POLA1: variants seen among roughly 807,000 people sequenced by gnomAD.
POLA1 encodes DNA polymerase alpha catalytic subunit.
In POLA1, 15 loss-of-function variants were observed where a neutral mutation model predicts 124.0. The observed-to-expected ratio is 0.12, with a 90% CI of 0.08 to 0.19. The LOEUF (loss-of-function observed/expected upper bound fraction) is 0.19. Among genes scored for constraint, POLA1 ranks in the 10% least tolerant of loss-of-function variants. POLA1 has a pLI of 1.00. For synonymous variants in POLA1, 408 were observed against 389.4 expected (o/e 1.05, Z -0.56); for missense variants, 886 against 1,103.4 (o/e 0.80, Z 2.79).
chrX:24,824,516 C>G (rs1382190741), intron 31 of POLA1, among the ~76,000 whole-genome samples: 1 of 102,154 alleles, frequency 9.8e-6, no homozygotes, highest in African/African-American at 3.6e-5. Flanking sequence ...ACTGTGTCAC[C>G]CAAGCTGGTG....
chrX:24,750,811 C>T (rs1932282118), intron 26 of POLA1, among the ~76,000 whole-genome samples: 1 of 111,278 alleles, frequency 9.0e-6, no homozygotes, highest in South Asian at 3.9e-4. Flanking sequence ...GACTCTGGTT[C>T]TGCTTTATAT....
rs1449456764 is a variant in POLA1 at position 24,905,893 on chromosome X, A to C, written c.4164+17771A>C. Among the ~76,000 whole-genome samples, 4 of 112,108 alleles carry C rather than the reference A, an allele frequency of 3.6e-5. No homozygotes were observed. In the East Asian group the frequency reaches 1.1e-3, roughly 31 times the overall value. On this transcript the variant is annotated intron_variant, in intron 35 of 36. Transcript: ENST00000379068. ...TTTTTAAATGAATGGAAAAATAGAA[A>C]ATCTCAACAAAGAAATGGAACATGT...
chrX:24,929,019 T>C (rs946463733), intron 35 of POLA1, among the ~76,000 whole-genome samples: 4 of 111,738 alleles, frequency 3.6e-5, no homozygotes, highest in African/African-American at 1.3e-4. Flanking sequence ...ATAGATACCA[T>C]TTGTAATGGC....
At chrX:24,865,929 T>A (rs1042331479) in intron 34 of POLA1, among the ~76,000 whole-genome samples, 1 of 111,673 alleles carries the variant, frequency 9.0e-6, no homozygotes, top group Non-Finnish European at 1.9e-5. Flanking sequence ...AAAAGAACTT[T>A]GATTTGATGA....
intron 19 of POLA1, among the ~76,000 whole-genome samples, chrX:24,738,219 C>CAAA (rs755084911): frequency 2.7e-4 from 3 of 11,219 alleles, no homozygotes; most frequent in Non-Finnish European, 7.5e-4. Flanking sequence ...GACTCCGTCT[C>CAAA]AAAAAAAAAA....
At chrX:24,813,830 AAAAG>A in intron 29 of POLA1, among the ~76,000 whole-genome samples, 1 of 110,845 alleles carries the variant, frequency 9.0e-6, no homozygotes, top group East Asian at 2.8e-4. Context: ...AAAAAAAAAA[AAAAG>A]AATTTTTAGG....
At chrX:24,826,365 A>T in intron 31 of POLA1, 62 bp from the exon 32 acceptor site, 1 of 841,472 alleles carries the variant, frequency 1.2e-6, no homozygotes, top group Non-Finnish European at 1.6e-6. Flanking sequence ...TCTGTGATTG[A>T]GTTGCTCACA....
At chrX:24,772,168 A>G (rs2045051674) in intron 26 of POLA1, among the ~76,000 whole-genome samples, 1 of 111,266 alleles carries the variant, frequency 9.0e-6, no homozygotes, top group Admixed American at 9.6e-5. Flanking sequence ...CTATTTTAGG[A>G]CTTTTCGTAT....
intron 33 of POLA1, 113 bp downstream of exon 33, chrX:24,841,943 A>G: frequency 2.0e-6 from 1 of 497,981 alleles, no homozygotes; most frequent in South Asian, 3.8e-5. Context: ...TGTTGCTTTC[A>G]TGTGTTTAAA....
chrX:24,841,344 AT>A (rs1278265961), intron 32 of POLA1, among the ~76,000 whole-genome samples: 1 of 112,216 alleles, frequency 8.9e-6, no homozygotes, highest in African/African-American at 3.2e-5. Context: ...TTTTAAGAGA[AT>A]TTCTTAGTAC....
Position 24,743,239 on chromosome X carries a change from G to A in POLA1, c.2476G>A (p.Asp826Asn), listed in dbSNP as rs1179316942. 3.8e-6 allele frequency: 4 copies of A among 1,047,368 alleles called. No individual in the cohort carries two copies. The highest frequency in any genetic ancestry group is 1.9e-5 in the African/African-American group (1 of 53,707). The allele number at this position is 1,047,368 out of a possible 1,213,427, so 86.3% of individuals were successfully genotyped here. ...TTCCATTTGATATTAGGGAGATGAA[G>A]ATGAAGAAATTGATGGAGATACCAA... is the stretch of plus-strand genomic sequence containing the variant. ...RKPQQKLGDE[D>N]EEIDGDTNKY... The change falls in exon 23 of 37, where the codon GAT (aspartate) becomes AAT (asparagine). Residue 826 changes from aspartate (D) to asparagine (N), a missense_variant. Around this residue, in one of 7 missense-constraint regions of POLA1, gnomAD observed 182 missense variants for 252.8 expected, o/e 0.72. Transcript: ENST00000379068.
chrX:24,762,117 T>C (rs1932806762), intron 26 of POLA1, among the ~76,000 whole-genome samples: 1 of 111,899 alleles, frequency 8.9e-6, no homozygotes, highest in African/African-American at 3.3e-5. Context: ...TAGATGATGA[T>C]AATTACTGCT....
intron 26 of POLA1, among the ~76,000 whole-genome samples, chrX:24,798,034 C>T (rs1006323050): frequency 6.3e-5 from 7 of 110,740 alleles, no homozygotes; most frequent in African/African-American, 2.3e-4. Flanking sequence ...GGTGACACAG[C>T]GAGACCCTGT....
Position 24,896,704 on chromosome X carries a change from A to G in POLA1, c.4164+8582A>G, listed in dbSNP as rs946625330. ...ACACCTTTTAGAGTGGAACAAATACATGTAGCAATGGCTGTGATTGGTTGG... is the reference window on the plus strand; with the variant it reads ...ACACCTTTTAGAGTGGAACAAATACGTGTAGCAATGGCTGTGATTGGTTGG... On this transcript the variant is annotated intron_variant, in intron 35 of 36. Coordinates refer to ENST00000379068, the MANE Select transcript of POLA1 (RefSeq NM_001330360.2). 8.0e-5 allele frequency among the ~76,000 whole-genome samples: 9 copies of G among 112,188 alleles called. No individual in the cohort carries two copies. In the South Asian group the frequency reaches 3.0e-3, roughly 37 times the overall value.
rs774420944 is a variant in POLA1 at position 24,796,731 on chromosome X, C to T, written c.2965-13167C>T. Among the ~76,000 whole-genome samples, 6 of 111,317 alleles carry T rather than the reference C, an allele frequency of 5.4e-5. No homozygotes were observed. The South Asian group carries it at 2.4e-3, about 44-fold the overall frequency. ...CCTGTTAAGCGTTGAATTTCTTGTACCTGAAATTCCTTACATCCCCTCTGC... is the reference window on the plus strand; with the variant it reads ...CCTGTTAAGCGTTGAATTTCTTGTATCTGAAATTCCTTACATCCCCTCTGC... On this transcript the variant is annotated intron_variant, in intron 26 of 36. Coordinates refer to ENST00000379068, the MANE Select transcript of POLA1 (RefSeq NM_001330360.2).
intron 26 of POLA1, among the ~76,000 whole-genome samples, chrX:24,785,675 T>C (rs1009263974): frequency 1.8e-5 from 2 of 112,156 alleles, no homozygotes; most frequent in African/African-American, 6.5e-5. Context: ...TTAAAAAATA[T>C]ATTTAATTGA....
chrX:24,911,233 A>G (rs1367589085), intron 35 of POLA1, among the ~76,000 whole-genome samples: 1 of 112,000 alleles, frequency 8.9e-6, no homozygotes, highest in Non-Finnish European at 1.9e-5. Context: ...TGTGATGTGT[A>G]CTGTAATACA....
intron 7 of POLA1, 77 bp downstream of exon 7, chrX:24,716,531 G>T: frequency 3.7e-6 from 2 of 542,711 alleles, no homozygotes; most frequent in South Asian, 3.2e-5. Context: ...TCTGTATGAG[G>T]GAAATACCTT....
At chrX:24,802,822 A>T (rs932316041) in intron 26 of POLA1, among the ~76,000 whole-genome samples, 3 of 110,740 alleles carry the variant, frequency 2.7e-5, no homozygotes, top group Non-Finnish European at 5.7e-5. Context: ...ACATGGTGAA[A>T]CCCCGTCTCT....
Sources: gnomAD v4.1 joint callset for allele counts (sites outside exome capture counted in the v4.1 genomes callset) on GRCh38, gnomAD v4.1.1 for gene constraint, gnomAD v4.1.1 regional missense constraint, MANE v1.5 for transcripts, NCBI Gene and HGNC (gene_info 2026-07-23, HGNC 2026-07-21) for gene names.